LGSN: variants seen among roughly 807,000 people sequenced by gnomAD.
LGSN encodes lengsin.
LGSN carries 21 observed loss-of-function variants against 19.5 expected under a neutral mutation model. That is an observed-to-expected ratio of 1.07 (90% CI 0.76 to 1.55). LGSN has a LOEUF of 1.55. LGSN is among the 40% of genes most tolerant of loss of function. The pLI, the probability that LGSN is intolerant of heterozygous loss-of-function variation, is 0.00. For synonymous variants in LGSN, 257 were observed against 215.6 expected, an observed-to-expected ratio of 1.19 and a Z score of -1.68; for missense variants, 673 against 608.5, an observed-to-expected ratio of 1.11 and a Z score of -1.12.
the LGSN span, among the ~76,000 whole-genome samples, chr6:63,410,347 A>T: frequency 2.7e-4 from 41 of 152,282 alleles, no homozygotes; most frequent in South Asian, 1.0e-3. Flanking sequence ...TTTAATCAAA[A>T]GTGGGACTCT....
At chr6:63,283,714 T>A (rs1175049528) in intron 3 of LGSN, among the ~76,000 whole-genome samples, 1 of 152,094 alleles carries the variant, frequency 6.6e-6, no homozygotes, top group Non-Finnish European at 1.5e-5. Flanking sequence ...ATTTTTTATT[T>A]TTTGAGATGG....
the LGSN span, among the ~76,000 whole-genome samples, chr6:63,393,858 C>T: frequency 1.3e-5 from 2 of 152,156 alleles, no homozygotes; most frequent in Non-Finnish European, 2.9e-5. Flanking sequence ...ACAATGTAGC[C>T]ACTTCAAAAT....
upstream of LGSN, chr6:63,320,046 A>G: frequency 1.1e-6 from 1 of 888,066 alleles, no homozygotes; most frequent in Non-Finnish European, 1.9e-6. Flanking sequence ...CAGATGATGA[A>G]TTCCATAGAG....
the LGSN span, among the ~76,000 whole-genome samples, chr6:63,331,148 T>C: frequency 6.6e-6 from 1 of 152,136 alleles, no homozygotes; most frequent in African/African-American, 2.4e-5. Flanking sequence ...AGAGGAGGAT[T>C]ATCATTAATA....
At chr6:63,522,879 T>C in the LGSN span, among the ~76,000 whole-genome samples, 1 of 150,456 alleles carries the variant, frequency 6.6e-6, no homozygotes, top group African/African-American at 2.4e-5. Flanking sequence ...TTTTTTTTTT[T>C]TTTGAGACAG....
the LGSN span, among the ~76,000 whole-genome samples, chr6:63,429,867 T>C: frequency 6.6e-6 from 1 of 152,184 alleles, no homozygotes; most frequent in African/African-American, 2.4e-5. Flanking sequence ...TTTGCCTTCA[T>C]GCCTATTGCC....
chr6:63,422,256 G>T, the LGSN span, among the ~76,000 whole-genome samples: 1 of 152,090 alleles, frequency 6.6e-6, no homozygotes, highest in Non-Finnish European at 1.5e-5. Context: ...TAGAGACAGG[G>T]TTTCACCATG....
At chr6:63,504,399 G>T in the LGSN span, among the ~76,000 whole-genome samples, 1 of 151,982 alleles carries the variant, frequency 6.6e-6, no homozygotes, top group Admixed American at 6.6e-5. Flanking sequence ...CCACCACCAC[G>T]CCCAGCTAAT....
At chr6:63,522,357 T>C in the LGSN span, among the ~76,000 whole-genome samples, 15 of 152,316 alleles carry the variant, frequency 9.8e-5, no homozygotes, top group South Asian at 3.1e-3. Context: ...TTGTATCTGC[T>C]AAAAACATTC....
the LGSN span, among the ~76,000 whole-genome samples, chr6:63,546,076 T>C: frequency 6.6e-5 from 10 of 152,174 alleles, no homozygotes; most frequent in African/African-American, 2.4e-4. Context: ...TACACTCCCT[T>C]GATCCATGCA....
At chr6:63,302,774 A>G (rs1320349383) in intron 1 of LGSN, among the ~76,000 whole-genome samples, 2 of 152,200 alleles carry the variant, frequency 1.3e-5, no homozygotes, top group African/African-American at 4.8e-5. Context: ...GTGTGGACTC[A>G]TGGAGAGTCT....
chr6:63,330,340 C>T, the LGSN span, among the ~76,000 whole-genome samples: 1 of 152,156 alleles, frequency 6.6e-6, no homozygotes, highest in Non-Finnish European at 1.5e-5. Context: ...TCTCTGATCT[C>T]ATTTTTCCTT....
Position 63,281,215 on chromosome 6 carries a change from T to C in LGSN, c.336A>G (p.Lys112=). The C allele has an allele frequency of 6.5e-7, 1 of 1,527,226 alleles. No individual in the cohort carries two copies. The highest frequency in any genetic ancestry group is 8.8e-7 in the Non-Finnish European group (1 of 1,135,378). The allele number at this position is 1,527,226 out of a possible 1,614,324, so 94.6% of individuals were successfully genotyped here. Reference sequence around the variant, plus strand: ...GGGGCATGCAAACACCATGGCTCACTTTCTCCTAAAGAAGGAAAAAAATGA... The same window carrying C: ...GGGGCATGCAAACACCATGGCTCACCTTCTCCTAAAGAAGGAAAAAAATGA... The part of the protein sequence containing the change: ...KTIPAHFFQE[K]VSHGVCMPRG... The change falls in exon 4 of 4, where the codon AAA becomes AAG. Residue 112 remains lysine (K), a synonymous_variant. Coordinates refer to ENST00000370657, the MANE Select transcript of LGSN (RefSeq NM_016571.3).
chr6:63,505,887 T>G, the LGSN span, among the ~76,000 whole-genome samples: 1 of 152,140 alleles, frequency 6.6e-6, no homozygotes. Context: ...CTCAAACTCC[T>G]GACCGTCCAC....
intron 1 of LGSN, among the ~76,000 whole-genome samples, chr6:63,314,017 G>A (rs1007547935): frequency 2.0e-5 from 3 of 152,038 alleles, no homozygotes; most frequent in African/African-American, 4.8e-5. Flanking sequence ...ATGGAATCTG[G>A]GATTGAAATA....
rs77282532 is a variant in LGSN at position 63,291,299 on chromosome 6, T to G, written c.163+3614A>C. 9.9e-5 allele frequency among the ~76,000 whole-genome samples: 15 copies of G among 152,212 alleles called. 1 individual carries two copies. In the East Asian group the frequency reaches 2.7e-3, roughly 27 times the overall value. On this transcript the variant is annotated intron_variant, in intron 2 of 3. Coordinates refer to ENST00000370657, the MANE Select transcript of LGSN (RefSeq NM_016571.3). ...CGGGTAACGGCCTTTTACACCCTAT[T>G]CTCTAGGTACCTGGCTCCTTGTCCG... is the stretch of plus-strand genomic sequence containing the variant.
intron 1 of LGSN, among the ~76,000 whole-genome samples, chr6:63,317,614 A>G (rs983571030): frequency 1.3e-5 from 2 of 152,150 alleles, no homozygotes; most frequent in Non-Finnish European, 2.9e-5. Context: ...AAAATACAAA[A>G]CAAGAATCAG....
the LGSN span, among the ~76,000 whole-genome samples, chr6:63,491,493 C>CA: frequency 1.3e-5 from 2 of 152,108 alleles, no homozygotes; most frequent in South Asian, 4.1e-4. Flanking sequence ...CCAAAGCCTC[C>CA]ATGGAAAAAT....
chr6:63,451,724 C>T, the LGSN span, among the ~76,000 whole-genome samples: 1 of 151,580 alleles, frequency 6.6e-6, no homozygotes, highest in Non-Finnish European at 1.5e-5. Context: ...TGTAACAAAC[C>T]TGCATATGTA....
Sources: gnomAD v4.1 joint callset for allele counts (sites outside exome capture counted in the v4.1 genomes callset) on GRCh38, gnomAD v4.1.1 for gene constraint, MANE v1.5 for transcripts, NCBI Gene and HGNC (gene_info 2026-07-23, HGNC 2026-07-21) for gene names.